DLEU7: variants seen among roughly 807,000 people sequenced by gnomAD.
The protein encoded by DLEU7 is deleted in lymphocytic leukemia 7, also known as leukemia-associated protein 7.
In DLEU7, 17 loss-of-function variants were observed where a neutral mutation model predicts 16.0. The ratio of observed to expected loss-of-function variants is 1.06; its 90% CI spans 0.73 to 1.59. DLEU7 has a LOEUF of 1.59. Ranked by LOEUF, DLEU7 falls within the 40% of genes most tolerant of loss-of-function variation. The probability of loss-of-function intolerance (pLI) is 0.00; values close to 1 mark genes in which losing one functional copy is unlikely to be tolerated. For synonymous variants in DLEU7, 113 were observed against 139.8 expected (o/e 0.81, Z 1.35); for missense variants, 308 against 314.9 (o/e 0.98, Z 0.17).
chr13:50,716,221 C>T (rs971063356), intron 1 of DLEU7, among the ~76,000 whole-genome samples: 1 of 152,232 alleles, frequency 6.6e-6, no homozygotes, highest in Non-Finnish European at 1.5e-5. Context: ...CAACCCTTCT[C>T]TAGCAATGTG....
At chr13:50,756,014 C>T (rs1397906384) in intron 1 of DLEU7, among the ~76,000 whole-genome samples, 1 of 152,166 alleles carries the variant, frequency 6.6e-6, no homozygotes, top group Non-Finnish European at 1.5e-5. Context: ...CAAGTCTCCC[C>T]ACCTCCAGGC....
At chr13:50,759,715 C>G (rs962496654) in intron 1 of DLEU7, among the ~76,000 whole-genome samples, 10 of 151,992 alleles carry the variant, frequency 6.6e-5, no homozygotes, top group Non-Finnish European at 1.0e-4. Flanking sequence ...AGGAAGTGAC[C>G]CAGTGGAAGA....
intron 1 of DLEU7, among the ~76,000 whole-genome samples, chr13:50,781,749 T>C (rs948010927): frequency 4.6e-5 from 7 of 152,132 alleles, no homozygotes; most frequent in Non-Finnish European, 2.9e-5. Context: ...CACTAGGAAG[T>C]TGTGATAATT....
chr13:50,782,875 T>G (rs1875696101), intron 1 of DLEU7, among the ~76,000 whole-genome samples: 1 of 152,092 alleles, frequency 6.6e-6, no homozygotes, highest in Non-Finnish European at 1.5e-5. Flanking sequence ...TAGCAGATGC[T>G]GTTGGTGCCT....
downstream of DLEU7, among the ~76,000 whole-genome samples, chr13:50,818,972 G>T (rs189660921): frequency 6.6e-6 from 1 of 152,124 alleles, no homozygotes; most frequent in East Asian, 1.9e-4. Flanking sequence ...ACCATCTAAG[G>T]TAATATTCAC....
intron 1 of DLEU7, among the ~76,000 whole-genome samples, chr13:50,736,397 C>T (rs1470211228): frequency 1.3e-5 from 2 of 151,964 alleles, no homozygotes; most frequent in African/African-American, 2.4e-5. Flanking sequence ...AAATAACTAT[C>T]GGGTACCAGG....
At chr13:50,793,649 C>G (rs1239623454) in intron 1 of DLEU7, among the ~76,000 whole-genome samples, 1 of 152,166 alleles carries the variant, frequency 6.6e-6, no homozygotes, top group African/African-American at 2.4e-5. Context: ...TGTAGGTCTT[C>G]TTTTGAGAAG....
At chr13:50,733,300 A>G (rs1191422907) in intron 1 of DLEU7, among the ~76,000 whole-genome samples, 1 of 152,208 alleles carries the variant, frequency 6.6e-6, no homozygotes, top group Non-Finnish European at 1.5e-5. Flanking sequence ...CTGAGAACCA[A>G]TGTTTTAGAT....
chr13:50,836,943 G>A (rs143013471), intron 1 of DLEU7, among the ~76,000 whole-genome samples: 74 of 152,246 alleles, frequency 4.9e-4, no homozygotes, highest in Middle Eastern at 6.8e-3. Context: ...CATGAATTAC[G>A]ATTTGCCCCA....
chr13:50,732,689 A>G (rs1160317032), intron 1 of DLEU7, among the ~76,000 whole-genome samples: 1 of 152,016 alleles, frequency 6.6e-6, no homozygotes, highest in African/African-American at 2.4e-5. Context: ...TCCCAAAGGA[A>G]AAATGATCAC....
chr13:50,840,824 A>G (rs532012371), intron 1 of DLEU7, among the ~76,000 whole-genome samples: 2 of 152,324 alleles, frequency 1.3e-5, no homozygotes, highest in East Asian at 3.9e-4. Context: ...AACAAAAATG[A>G]AGATGAGTAG....
chr13:50,785,454 TG>T (rs767110853), intron 1 of DLEU7, among the ~76,000 whole-genome samples: 6 of 152,196 alleles, frequency 3.9e-5, no homozygotes, highest in Non-Finnish European at 8.8e-5. Flanking sequence ...TAGTTGATCC[TG>T]GAGTTAATAT....
chr13:50,725,677 G>C (rs2476614), intron 1 of DLEU7, among the ~76,000 whole-genome samples: 127 of 152,276 alleles, frequency 8.3e-4, no homozygotes, highest in South Asian at 3.5e-3. Context: ...GGTCAGGAGC[G>C]GGGGCATGGG....
chr13:50,787,266 A>C (rs957718148), intron 1 of DLEU7, among the ~76,000 whole-genome samples: 1 of 152,190 alleles, frequency 6.6e-6, no homozygotes, highest in African/African-American at 2.4e-5. Flanking sequence ...AGGGGATTTA[A>C]AACACAAAGC....
chr13:50,712,909 A>G (rs2137698377), exon 2 of DLEU7: 1 of 348,500 alleles, frequency 2.9e-6, no homozygotes, highest in South Asian at 6.5e-5. Flanking sequence ...AAACAGGGGT[A>G]GGGAATTTGT....
At chr13:50,789,945 CTT>C (rs750516352) in intron 1 of DLEU7, among the ~76,000 whole-genome samples, 13 of 70,240 alleles carry the variant, frequency 1.9e-4, no homozygotes, top group Non-Finnish European at 1.9e-4. Context: ...TTCTTTCTTT[CTT>C]TTTTTTTTTT....
At chr13:50,791,770 T>C (rs1268782787) in intron 1 of DLEU7, among the ~76,000 whole-genome samples, 1 of 152,240 alleles carries the variant, frequency 6.6e-6, no homozygotes, top group Non-Finnish European at 1.5e-5. Flanking sequence ...TTTAAAGATC[T>C]GACAAAAACC....
intron 1 of DLEU7, among the ~76,000 whole-genome samples, chr13:50,733,460 C>T (rs185950940): frequency 9.2e-5 from 14 of 152,264 alleles, no homozygotes; most frequent in African/African-American, 3.1e-4. Flanking sequence ...GGTGGATTCA[C>T]GGATCTTACC....
At chr13:50,731,207 T>A (rs913161610) in intron 1 of DLEU7, among the ~76,000 whole-genome samples, 12 of 152,156 alleles carry the variant, frequency 7.9e-5, no homozygotes, top group Admixed American at 7.2e-4. Context: ...CCCAGAAAAT[T>A]CTGTAACCAG....
Sources: allele counts gnomAD v4.1 joint callset (sites outside exome capture counted in the v4.1 genomes callset), GRCh38; gene constraint gnomAD v4.1.1; transcripts MANE v1.5; gene names NCBI Gene and HGNC (gene_info 2026-07-23, HGNC 2026-07-21).